GRB10: variants seen among roughly 807,000 people sequenced by gnomAD.
The protein encoded by GRB10 is growth factor receptor-bound protein 10.
In GRB10, 20 loss-of-function variants were observed where a neutral mutation model predicts 80.9. The observed-to-expected ratio is 0.25, with a 90% CI of 0.17 to 0.36. GRB10 has a LOEUF of 0.36. Among genes scored for constraint, GRB10 ranks in the 10% least tolerant of loss-of-function variants. The pLI is 1.00. For missense variants in GRB10, 548 were observed against 747.7 expected (o/e 0.73, Z 3.12); for synonymous variants, 291 against 291.5 (o/e 1.00, Z 0.02).
intron 7 of GRB10, among the ~76,000 whole-genome samples, chr7:50,636,645 A>G (rs1361024272): frequency 6.6e-6 from 1 of 152,198 alleles, no homozygotes; most frequent in East Asian, 1.9e-4. Flanking sequence ...GATTATCTAA[A>G]TGGATGCAGA....
chr7:50,603,674 T>G (rs781766304), intron 17 of GRB10, among the ~76,000 whole-genome samples: 31 of 152,248 alleles, frequency 2.0e-4, no homozygotes, highest in South Asian at 4.1e-4. Context: ...TCAAAAAGCG[T>G]AGGCAAAAGC....
intron 4 of GRB10, among the ~76,000 whole-genome samples, chr7:50,722,545 C>A (rs2067928140): frequency 6.6e-6 from 1 of 152,152 alleles, no homozygotes; most frequent in East Asian, 1.9e-4. Flanking sequence ...TGGGCAGCAA[C>A]AGCTTCAAAG....
intron 3 of GRB10, among the ~76,000 whole-genome samples, chr7:50,744,963 G>C (rs1391399473): frequency 2.6e-5 from 4 of 152,106 alleles, no homozygotes; most frequent in African/African-American, 9.7e-5. Flanking sequence ...CTGTGTTTGT[G>C]TAAGTTTTGA....
At chr7:50,618,938 G>T (rs2051145404) in intron 9 of GRB10, among the ~76,000 whole-genome samples, 1 of 152,182 alleles carries the variant, frequency 6.6e-6, no homozygotes, top group Non-Finnish European at 1.5e-5. Context: ...CCTTTACACT[G>T]TGTCTATGTG....
intron 3 of GRB10, among the ~76,000 whole-genome samples, chr7:50,737,072 A>T (rs2070920058): frequency 6.6e-6 from 1 of 152,258 alleles, no homozygotes; most frequent in Non-Finnish European, 1.5e-5. Flanking sequence ...GCATCAAAGG[A>T]TGCTATCAAA....
intron 5 of GRB10, among the ~76,000 whole-genome samples, chr7:50,676,344 G>GGGTGCGGGGGC (rs1563400843): frequency 7.4e-6 from 1 of 135,912 alleles, no homozygotes; most frequent in Non-Finnish European, 1.7e-5. Context: ...CCGGGGGGGG[G>GGGTGCGGGGGC]GGGGGGTTGT....
chr7:50,790,390 A>C (rs1386156216), intron 1 of GRB10, among the ~76,000 whole-genome samples: 1 of 152,244 alleles, frequency 6.6e-6, no homozygotes, highest in Non-Finnish European at 1.5e-5. Context: ...GCACAGGTTA[A>C]AAGAAAAGTC....
At chr7:50,648,067 G>A (rs1191026365) in intron 7 of GRB10, among the ~76,000 whole-genome samples, 1 of 152,144 alleles carries the variant, frequency 6.6e-6, no homozygotes. Flanking sequence ...GGATGGGAAT[G>A]TAAACCGGGG....
chr7:50,711,585 T>C (rs571689340), intron 4 of GRB10, among the ~76,000 whole-genome samples: 7 of 152,188 alleles, frequency 4.6e-5, no homozygotes, highest in African/African-American at 1.7e-4. Flanking sequence ...GAGTGAAGAG[T>C]GACTACCTGT....
At chr7:50,719,962 GC>G (rs768899602) in intron 4 of GRB10, among the ~76,000 whole-genome samples, 12 of 151,516 alleles carry the variant, frequency 7.9e-5, no homozygotes, top group Non-Finnish European at 1.3e-4. Context: ...ACATTCTTCT[GC>G]CCCCCACTCC....
intron 4 of GRB10, among the ~76,000 whole-genome samples, chr7:50,707,811 G>A (rs895179900): frequency 1.3e-5 from 2 of 152,196 alleles, no homozygotes; most frequent in Admixed American, 6.5e-5. Flanking sequence ...AGGCCCTGCA[G>A]GTTAACAAGC....
chr7:50,742,508 T>C (rs891881412), intron 3 of GRB10, among the ~76,000 whole-genome samples: 2 of 152,170 alleles, frequency 1.3e-5, no homozygotes, highest in Non-Finnish European at 2.9e-5. Context: ...ACCCGGGTGC[T>C]TGTTAACACA....
intron 7 of GRB10, among the ~76,000 whole-genome samples, chr7:50,642,785 A>G (rs2056502686): frequency 6.6e-6 from 1 of 152,244 alleles, no homozygotes; most frequent in South Asian, 2.1e-4. Context: ...ACACATACAT[A>G]CATTAGTTTT....
intron 5 of GRB10, among the ~76,000 whole-genome samples, chr7:50,688,856 T>C (rs1219512774): frequency 2.0e-5 from 3 of 151,954 alleles, no homozygotes; most frequent in Non-Finnish European, 4.4e-5. Context: ...GGCAAGCACA[T>C]GAACAGGGAA....
At chr7:50,630,728 C>A (rs2053838881) in intron 7 of GRB10, among the ~76,000 whole-genome samples, 1 of 152,100 alleles carries the variant, frequency 6.6e-6, no homozygotes. Flanking sequence ...AATAAAACGG[C>A]AATATTAAAG....
rs546387204 is a variant in GRB10, at chr7:50,703,831, C to A, written c.129G>T (p.Ala43=). Residue 43 remains alanine (A), a synonymous_variant, in exon 5 of 19, where the codon GCG becomes GCT. Transcript: ENST00000401949. ...TTGCTCATTCCTTACCCTGGTGATT[C>A]GCAAGTCGGTCAGACTGTGCGGGGA... is the stretch of plus-strand genomic sequence containing the variant. The part of the protein sequence containing the change: ...PGLPAQSDRL[A]NHQEDDVDLE... The A allele has an allele frequency of 5.0e-6, 8 of 1,612,630 alleles. No homozygotes were observed. Among genetic ancestry groups the A allele is most frequent in the Admixed American group, 1.7e-5 (1 of 59,990 alleles).
intron 7 of GRB10, among the ~76,000 whole-genome samples, chr7:50,650,098 C>G (rs144474988): frequency 2.8e-4 from 43 of 152,082 alleles, no homozygotes; most frequent in African/African-American, 7.2e-4. Context: ...CACCAAGCAG[C>G]CTGGCAGAGC....
chr7:50,645,527 C>T, intron 7 of GRB10: 1 of 827,424 alleles, frequency 1.2e-6, no homozygotes, highest in Non-Finnish European at 1.5e-6. Context: ...CAAAAAGGAT[C>T]TGCTGAGCAC....
intron 7 of GRB10, among the ~76,000 whole-genome samples, chr7:50,645,051 A>T (rs1323580715): frequency 6.6e-6 from 1 of 152,196 alleles, no homozygotes; most frequent in Non-Finnish European, 1.5e-5. Flanking sequence ...AATTTCATAA[A>T]TGGAGCTATC....
Sources: allele counts gnomAD v4.1 joint callset (sites outside exome capture counted in the v4.1 genomes callset), GRCh38; gene constraint gnomAD v4.1.1; transcripts MANE v1.5; gene names NCBI Gene and HGNC (gene_info 2026-07-23, HGNC 2026-07-21).